Variants in CHST9 observed in about 807,000 individuals in gnomAD.
CHST9 encodes carbohydrate sulfotransferase 9, also known as GalNAc-4-sulfotransferase 2.
CHST9 carries 41 observed loss-of-function variants against 44.4 expected under a neutral mutation model. The ratio of observed to expected loss-of-function variants is 0.92; its 90% CI spans 0.72 to 1.20. The LOEUF (loss-of-function observed/expected upper bound fraction) is 1.20. CHST9 is among the 50% of genes most tolerant of loss of function. The probability of loss-of-function intolerance (pLI) is 0.00; values close to 1 mark genes in which losing one functional copy is unlikely to be tolerated. For missense variants in CHST9, 504 were observed against 516.5 expected (o/e 0.98, Z 0.23); for synonymous variants, 171 against 178.4 (o/e 0.96, Z 0.33).
intron 2 of CHST9, among the ~76,000 whole-genome samples, chr18:27,064,440 A>G (rs1478834251): frequency 6.6e-6 from 1 of 152,134 alleles, no homozygotes; most frequent in Non-Finnish European, 1.5e-5. Flanking sequence ...ACATTTTTGC[A>G]CTGGAAAGTA....
intron 2 of CHST9, among the ~76,000 whole-genome samples, chr18:27,135,029 G>A (rs925812836): frequency 1.3e-5 from 2 of 152,160 alleles, no homozygotes; most frequent in Non-Finnish European, 2.9e-5. Context: ...ATTGCTAAGA[G>A]AGGAGATTTT....
chr18:26,994,710 T>G (rs1190134134), intron 4 of CHST9, among the ~76,000 whole-genome samples: 4 of 152,134 alleles, frequency 2.6e-5, no homozygotes. Context: ...TGCCTCAGCC[T>G]CCTGAGTACC....
At chr18:27,077,665 T>A (rs76550751) in intron 2 of CHST9, among the ~76,000 whole-genome samples, 7,577 of 152,210 alleles carry the variant, frequency 0.05, 305 homozygotes, top group South Asian at 0.13. Flanking sequence ...ATTCTGTATA[T>A]CTTTTTATCT....
At chr18:26,990,792 G>A (rs2056807407) in intron 4 of CHST9, among the ~76,000 whole-genome samples, 1 of 152,186 alleles carries the variant, frequency 6.6e-6, no homozygotes, top group Admixed American at 6.5e-5. Flanking sequence ...TTGAGGAAAA[G>A]AAAGTTCTAG....
chr18:27,128,727 C>T (rs1238578148), intron 2 of CHST9, among the ~76,000 whole-genome samples: 1 of 152,182 alleles, frequency 6.6e-6, no homozygotes, highest in African/African-American at 2.4e-5. Context: ...TTGGGTTATA[C>T]ATTAAATTCC....
At chr18:27,086,158 A>C (rs2058010391) in intron 2 of CHST9, among the ~76,000 whole-genome samples, 1 of 152,168 alleles carries the variant, frequency 6.6e-6, no homozygotes, top group South Asian at 2.1e-4. Context: ...AAAACTACCT[A>C]TCGGGTACTG....
intron 4 of CHST9, among the ~76,000 whole-genome samples, chr18:27,015,184 C>G (rs1456832338): frequency 1.3e-5 from 2 of 152,170 alleles, no homozygotes; most frequent in African/African-American, 4.8e-5. Context: ...GTAGCTGGTG[C>G]ATTCTGGCTG....
intron 3 of CHST9, among the ~76,000 whole-genome samples, chr18:27,028,482 T>A (rs756393554): frequency 9.9e-5 from 15 of 151,944 alleles, no homozygotes; most frequent in Admixed American, 9.2e-4. Flanking sequence ...CATCAGTCGA[T>A]AGGATATAAT....
intron 5 of CHST9, among the ~76,000 whole-genome samples, chr18:26,918,253 C>A (rs1055908305): frequency 2.6e-5 from 4 of 152,040 alleles, no homozygotes; most frequent in African/African-American, 9.7e-5. Flanking sequence ...AACTAGGGAA[C>A]TTTTGTAGGG....
chr18:27,132,417 A>C (rs964256593), intron 2 of CHST9, among the ~76,000 whole-genome samples: 1 of 152,190 alleles, frequency 6.6e-6, no homozygotes, highest in South Asian at 2.1e-4. Flanking sequence ...ACCCCACCCC[A>C]AACCAAGCAA....
intron 2 of CHST9, among the ~76,000 whole-genome samples, chr18:27,062,226 T>G (rs771540039): frequency 6.6e-5 from 10 of 152,200 alleles, no homozygotes; most frequent in Non-Finnish European, 1.0e-4. Context: ...GTTTGTTACA[T>G]GTGTATACAT....
At chr18:26,920,592 C>A (rs1409556787) in intron 5 of CHST9, among the ~76,000 whole-genome samples, 1 of 152,088 alleles carries the variant, frequency 6.6e-6, no homozygotes, top group African/African-American at 2.4e-5. Context: ...CACTGCCTGG[C>A]GCATAGAAGA....
chr18:27,041,556 A>G (rs2057445344), intron 3 of CHST9, among the ~76,000 whole-genome samples: 1 of 152,140 alleles, frequency 6.6e-6, no homozygotes, highest in African/African-American at 2.4e-5. Context: ...TTGGTGTAGT[A>G]TAATAGCAAT....
intron 4 of CHST9, among the ~76,000 whole-genome samples, chr18:26,950,353 G>A (rs1332100475): frequency 1.3e-5 from 2 of 152,128 alleles, no homozygotes; most frequent in African/African-American, 4.8e-5. Flanking sequence ...AGCATTCTAA[G>A]GAACAACATA....
chr18:27,109,292 T>C (rs2058249402), intron 2 of CHST9, among the ~76,000 whole-genome samples: 1 of 152,108 alleles, frequency 6.6e-6, no homozygotes, highest in Non-Finnish European at 1.5e-5. Flanking sequence ...CTTTTTTTTT[T>C]CTCCCTGCAA....
chr18:27,125,285 T>C (rs1273048009), intron 2 of CHST9, among the ~76,000 whole-genome samples: 1 of 152,202 alleles, frequency 6.6e-6, no homozygotes. Context: ...TTGAAAGCTG[T>C]TCATAAGACC....
intron 2 of CHST9, among the ~76,000 whole-genome samples, chr18:27,112,147 T>C (rs2058276519): frequency 6.7e-6 from 1 of 148,772 alleles, no homozygotes; most frequent in African/African-American, 2.4e-5. Context: ...ATAACTATAT[T>C]TATATTTATA....
At chr18:27,066,400 C>A (rs764978730) in intron 2 of CHST9, among the ~76,000 whole-genome samples, 4 of 152,080 alleles carry the variant, frequency 2.6e-5, no homozygotes, top group Admixed American at 6.6e-5. Flanking sequence ...GAATAAATGA[C>A]AAATATAAAT....
At chr18:27,145,783 T>C (rs920623993) in intron 1 of CHST9, among the ~76,000 whole-genome samples, 1 of 152,192 alleles carries the variant, frequency 6.6e-6, no homozygotes, top group Non-Finnish European at 1.5e-5. Flanking sequence ...CTTCCAAACA[T>C]ATGTAACAAA....
Sources: allele counts gnomAD v4.1 joint callset (sites outside exome capture counted in the v4.1 genomes callset), GRCh38; gene constraint gnomAD v4.1.1; transcripts MANE v1.5; gene names NCBI Gene and HGNC (gene_info 2026-07-23, HGNC 2026-07-21).